The following NFASC variants were observed in gnomAD, a reference collection of about 807,000 sequenced individuals.
The protein encoded by NFASC is neurofascin homolog.
A neutral mutation model predicts 147.5 loss-of-function variants in NFASC; 43 were observed. The observed-to-expected ratio is 0.29, with a 90% CI of 0.23 to 0.38. The LOEUF is 0.38. Among genes scored for constraint, NFASC ranks in the 10% least tolerant of loss-of-function variants. The pLI is 1.00. For synonymous variants in NFASC, 622 were observed against 665.5 expected, an observed-to-expected ratio of 0.93 and a Z score of 1.01; for missense variants, 1,320 against 1,689.0, an observed-to-expected ratio of 0.78 and a Z score of 3.83.
At chr1:204,908,537 C>G (rs1472339761) in intron 1 of NFASC, among the ~76,000 whole-genome samples, 1 of 151,964 alleles carries the variant, frequency 6.6e-6, no homozygotes, top group East Asian at 1.9e-4. Context: ...ATTATAGATT[C>G]ACATTCAGTT....
Position 205,015,521 on chromosome 1 carries a change from G to A in NFASC, c.3492-787G>A, listed in dbSNP as rs1484039197. On this transcript the variant is annotated intron_variant, in intron 29 of 29. Transcript: ENST00000339876. The surrounding 1 kb of genome is among the most constrained non-coding windows in gnomAD (Gnocchi z 4.0). ...ACTGGGTGGCTGTTCCCAGCGGCCCGTGCAGCTTTACTCGGCAGCCTCCCA... is the reference window on the plus strand; with the variant it reads ...ACTGGGTGGCTGTTCCCAGCGGCCCATGCAGCTTTACTCGGCAGCCTCCCA... Among the ~76,000 whole-genome samples, 4 of 152,114 alleles carry A rather than the reference G, an allele frequency of 2.6e-5. No individual in the cohort carries two copies. The highest frequency in any genetic ancestry group is 1.3e-4 in the Admixed American group (2 of 15,268).
chr1:204,887,019 A>G (rs2081425273), intron 1 of NFASC, among the ~76,000 whole-genome samples: 1 of 152,214 alleles, frequency 6.6e-6, no homozygotes, highest in Non-Finnish European at 1.5e-5. Context: ...TACCATTTTA[A>G]TCATTTCAGT....
intron 1 of NFASC, among the ~76,000 whole-genome samples, chr1:204,875,915 G>GA (rs1326396897): frequency 1.3e-5 from 2 of 152,128 alleles, no homozygotes; most frequent in Non-Finnish European, 2.9e-5. Context: ...GACTGACTCT[G>GA]AAATTCCAGG....
At position 204,974,225 on chromosome 1, in the gene NFASC, G is replaced by C; in HGVS notation, c.1326G>C (p.Val442=). 6.2e-7 allele frequency: 1 copy of C among 1,614,174 alleles called. No homozygotes were observed. Among genetic ancestry groups the C allele is most frequent in the Non-Finnish European group, 8.5e-7 (1 of 1,180,024 alleles). The change falls in exon 13 of 30, where the codon GTG becomes GTC. Residue 442 remains valine (V), a synonymous_variant. Coordinates refer to ENST00000339876, the MANE Select transcript of NFASC (RefSeq NM_001005388.3). Reference sequence around the variant, plus strand: ...CGCCCCGGAACCAGCTCATTCGAGTGATTCTTTACAACCGGACGCGGCTGG... The same window carrying C: ...CGCCCCGGAACCAGCTCATTCGAGTCATTCTTTACAACCGGACGCGGCTGG... ...MLSPRNQLIR[V]ILYNRTRLDC... is the part of the protein sequence containing the mutation.
intron 1 of NFASC, among the ~76,000 whole-genome samples, chr1:204,873,354 G>C (rs777130970): frequency 2.6e-5 from 4 of 152,172 alleles, no homozygotes; most frequent in Non-Finnish European, 5.9e-5. Flanking sequence ...CCAGCCAGCA[G>C]CTCTGGGTAC....
At chr1:204,915,984 T>G (rs951660050) in intron 1 of NFASC, among the ~76,000 whole-genome samples, 1 of 152,222 alleles carries the variant, frequency 6.6e-6, no homozygotes, top group Non-Finnish European at 1.5e-5. Flanking sequence ...AGACACTCCC[T>G]GTCATCAGTC....
At chr1:204,857,353 C>A (rs1172458028) in intron 1 of NFASC, among the ~76,000 whole-genome samples, 1 of 152,254 alleles carries the variant, frequency 6.6e-6, no homozygotes, top group Non-Finnish European at 1.5e-5. Context: ...GCATCGCCAA[C>A]CTTGTCTTCT....
At position 204,891,597 on chromosome 1, in the gene NFASC, A is replaced by G. The variant is rs144756974; in HGVS notation, c.-199-29035A>G. Among the ~76,000 whole-genome samples the G allele has an allele frequency of 7.7e-4, 118 of 152,290 alleles. 1 individual carries two copies. The highest frequency in any genetic ancestry group is 5.0e-3 in the South Asian group (24 of 4,826). On this transcript the variant is annotated intron_variant, in intron 1 of 29. Coordinates refer to ENST00000339876, the MANE Select transcript of NFASC (RefSeq NM_001005388.3). ...TTGCAGAGATAGTCACTACAGCGGT[A>G]TTTGGAGCCCTGTAAACATGTGCCT...
At chr1:204,942,891 G>A (rs1233493839) in intron 2 of NFASC, among the ~76,000 whole-genome samples, 1 of 152,202 alleles carries the variant, frequency 6.6e-6, no homozygotes, top group Non-Finnish European at 1.5e-5. Context: ...GAAGTCCCTT[G>A]TCCTATTGCA....
chr1:204,874,136 T>C (rs1239411713), intron 1 of NFASC, among the ~76,000 whole-genome samples: 1 of 152,224 alleles, frequency 6.6e-6, no homozygotes, highest in Non-Finnish European at 1.5e-5. Context: ...TCCAGTCCTA[T>C]GCAGCCTTTG....
intron 1 of NFASC, among the ~76,000 whole-genome samples, chr1:204,875,965 C>T (rs752257359): frequency 2.0e-5 from 3 of 152,134 alleles, no homozygotes; most frequent in African/African-American, 7.2e-5. Flanking sequence ...GTCTGCAACC[C>T]TCTTAGACTC....
intron 16 of NFASC, 22 bp from the exon 17 acceptor site, chr1:204,977,646 CCTGCTAACCTGGA>C: frequency 6.2e-7 from 1 of 1,600,108 alleles, no homozygotes; most frequent in Non-Finnish European, 8.6e-7. Flanking sequence ...TGCTGGATAA[CCTGCTAACCTGGA>C]TAACCCGTCT....
intron 7 of NFASC, among the ~76,000 whole-genome samples, chr1:204,956,078 C>T (rs2094412759): frequency 6.6e-6 from 1 of 152,196 alleles, no homozygotes; most frequent in African/African-American, 2.4e-5. Flanking sequence ...CATTCACCAT[C>T]AAGTTGTGTT....
intron 3 of NFASC, chr1:204,946,491 A>T: frequency 2.4e-6 from 1 of 412,322 alleles, no homozygotes; most frequent in Admixed American, 2.5e-5. Flanking sequence ...CCCCACACAC[A>T]TGGCACCTCC....
chr1:204,877,026 ATAATATATATT>A (rs1436074693), intron 1 of NFASC, among the ~76,000 whole-genome samples: 144 of 97,200 alleles, frequency 1.5e-3, no homozygotes, highest in African/African-American at 7.6e-3. Flanking sequence ...ATATATATAT[ATAATATATATT>A]TATATATATA....
intron 10 of NFASC, 60 bp from the exon 11 acceptor site, chr1:204,970,556 G>A: frequency 6.2e-7 from 1 of 1,604,528 alleles, no homozygotes; most frequent in Non-Finnish European, 8.5e-7. Context: ...AGACTGCTTG[G>A]TTTCTTCTGC....
Position 204,987,378 on chromosome 1 carries a change from C to A in NFASC, c.2471-40C>A. 6.3e-7 allele frequency: 1 copy of A among 1,593,554 alleles called. No homozygotes were observed. The highest frequency in any genetic ancestry group is 8.6e-7 in the Non-Finnish European group (1 of 1,165,228). ...TGTGTTTTCCTCATCCTCCCTGCCC[C>A]CTCCCCCTCATCTCCCCTGCTCTCT... On this transcript the variant is annotated intron_variant, in intron 21 of 29. Coordinates refer to ENST00000339876, the MANE Select transcript of NFASC (RefSeq NM_001005388.3). This position sits in a 1 kb window ranked among gnomAD's most constrained non-coding sequence, Gnocchi z 4.4.
At chr1:204,971,730 G>A (rs561274799) in intron 11 of NFASC, among the ~76,000 whole-genome samples, 1 of 152,192 alleles carries the variant, frequency 6.6e-6, no homozygotes, top group African/African-American at 2.4e-5. Flanking sequence ...GTGGGTTGCT[G>A]TGAGTCTGCA....
chr1:204,874,588 CCCTCGGGCCCTGGGT>C (rs1331491215), intron 1 of NFASC, among the ~76,000 whole-genome samples: 1 of 152,224 alleles, frequency 6.6e-6, no homozygotes, highest in Non-Finnish European at 1.5e-5. Context: ...CTTCCCTCCA[CCCTCGGGCCCTGGGT>C]CCTGATGGCA....
Sources: gnomAD v4.1 joint callset for allele counts (sites outside exome capture counted in the v4.1 genomes callset) on GRCh38, gnomAD v4.1.1 for gene constraint, Gnocchi (gnomAD v3.1) non-coding constraint, MANE v1.5 for transcripts, NCBI Gene and HGNC (gene_info 2026-07-23, HGNC 2026-07-21) for gene names.